Variants in PCDHA2 observed in about 807,000 individuals in gnomAD.
The protein encoded by PCDHA2 is protocadherin alpha-2.
Under a neutral mutation model 66.0 loss-of-function variants are expected in PCDHA2, and 58 were observed. The ratio of observed to expected loss-of-function variants is 0.88; its 90% CI spans 0.71 to 1.09. The LOEUF (loss-of-function observed/expected upper bound fraction) is 1.09. Among genes scored for constraint, PCDHA2 ranks in the 50% least tolerant of loss-of-function variants. PCDHA2 has a pLI of 0.00. For synonymous variants in PCDHA2, 634 were observed against 554.0 expected, an observed-to-expected ratio of 1.14 and a Z score of -2.03; for missense variants, 1,267 against 1,242.3, an observed-to-expected ratio of 1.02 and a Z score of -0.30.
chr5:140,875,685 C>A (rs563250653), intron 1 of PCDHA2: 1 of 1,613,934 alleles, frequency 6.2e-7, no homozygotes, highest in East Asian at 2.2e-5. Context: ...CCAAAAGACA[C>A]GGGGACCTTC....
chr5:140,822,593 A>G (rs2150117634), intron 1 of PCDHA2: 1 of 1,611,374 alleles, frequency 6.2e-7, no homozygotes, highest in East Asian at 2.2e-5. Flanking sequence ...GAGGGCATCA[A>G]TAAGGAAATA....
At chr5:140,903,329 G>A (rs2070195936) in intron 1 of PCDHA2, among the ~76,000 whole-genome samples, 1 of 152,160 alleles carries the variant, frequency 6.6e-6, no homozygotes, top group Non-Finnish European at 1.5e-5. Context: ...TTTTATTGAG[G>A]AAAGGATGCA....
chr5:140,824,222 C>G (rs2150133268), intron 1 of PCDHA2: 1 of 1,556,634 alleles, frequency 6.4e-7, no homozygotes, highest in South Asian at 1.1e-5. Context: ...AAAATTATGT[C>G]TTAGTACACA....
At chr5:140,835,693 C>T (rs1773848999) in intron 1 of PCDHA2, 1 of 1,613,754 alleles carries the variant, frequency 6.2e-7, no homozygotes, top group African/African-American at 1.3e-5. Flanking sequence ...TCTCTGTGGG[C>T]CACTGCTAGC....
chr5:140,929,557 A>G (rs782792383), intron 1 of PCDHA2: 64 of 478,142 alleles, frequency 1.3e-4, no homozygotes, highest in Non-Finnish European at 1.9e-4. Flanking sequence ...ATTAAAACCT[A>G]TTTAAGAACA....
intron 1 of PCDHA2, chr5:140,851,041 G>A (rs1162904841): frequency 3.6e-6 from 5 of 1,393,834 alleles, no homozygotes; most frequent in Non-Finnish European, 4.7e-6. Context: ...TAACATTGGA[G>A]CCGACTTTGT....
chr5:140,904,139 A>C (rs557435150), intron 1 of PCDHA2, among the ~76,000 whole-genome samples: 10 of 152,286 alleles, frequency 6.6e-5, no homozygotes, highest in African/African-American at 2.2e-4. Flanking sequence ...TCACCCGAGC[A>C]GTATACATTG....
At chr5:140,869,560 C>T in intron 1 of PCDHA2, 1 of 1,614,158 alleles carries the variant, frequency 6.2e-7, no homozygotes, top group Non-Finnish European at 8.5e-7. Context: ...CTCGCGTTTT[C>T]CACTAGAGGG....
chr5:140,929,443 T>C, intron 1 of PCDHA2: 1 of 1,426,882 alleles, frequency 7.0e-7, no homozygotes, highest in Non-Finnish European at 9.3e-7. Flanking sequence ...AAACACTCCT[T>C]CTTAGCACTT....
At chr5:140,867,411 AT>A (rs2049946393) in intron 1 of PCDHA2, 2 of 152,130 alleles carry the variant, frequency 1.3e-5, no homozygotes, top group South Asian at 2.1e-4. Context: ...GTCTCCTTTA[AT>A]TTTTTAATAC....
intron 1 of PCDHA2, chr5:140,928,720 A>G (rs2085475122): frequency 6.2e-7 from 1 of 1,614,076 alleles, no homozygotes. Flanking sequence ...TAGTCTCTTT[A>G]GAATTTCAGC....
rs2098417673 is a variant in PCDHA2, at chr5:141,010,569, T to C, written c.*632T>C. ...AAAACTACCCCCACTGACAAGGCTT[T>C]AGGAGACCCTAAAGTCTGTTGGCTG... On this transcript the variant is annotated 3_prime_UTR_variant, in exon 4 of 4. Transcript: ENST00000526136. 1.4e-5 allele frequency: 4 copies of C among 283,140 alleles called. No individual in the cohort carries two copies. The South Asian group carries it at 2.4e-4, about 17-fold the overall frequency. The allele number at this position is 283,140 out of a possible 1,614,324, so 17.5% of individuals were successfully genotyped here.
Position 140,795,647 on chromosome 5 carries a change from TAC to T in PCDHA2, c.684_685del (p.Leu229TyrfsTer2). On this transcript the variant is annotated frameshift_variant, in exon 1 of 4. Transcript: ENST00000526136. LOFTEE classifies it high-confidence loss of function. ...CCTGAGCTCACGGGCACCGTTCAAATACTTATTAAGGTATTAGATGTAAATGA... is the reference window on the plus strand; with the variant it reads ...CCTGAGCTCACGGGCACCGTTCAAATTTATTAAGGTATTAGATGTAAATGA... 1.9e-6 allele frequency: 3 copies of T among 1,614,156 alleles called. No homozygotes were observed. Among genetic ancestry groups the T allele is most frequent in the Middle Eastern group, 1.6e-4 (1 of 6,062 alleles).
chr5:140,967,460 G>C, intron 1 of PCDHA2: 1 of 1,613,538 alleles, frequency 6.2e-7, no homozygotes, highest in African/African-American at 1.3e-5. Context: ...AGCCGTGGAT[G>C]GGGGCATCCC....
intron 1 of PCDHA2, among the ~76,000 whole-genome samples, chr5:140,891,122 G>A (rs572236105): frequency 1.3e-5 from 2 of 152,256 alleles, no homozygotes; most frequent in African/African-American, 4.8e-5. Flanking sequence ...CAATCTAAAT[G>A]TCATTCCTTT....
rs782397943 is a variant in PCDHA2, at chr5:140,796,546, G to C, written c.1582G>C (p.Val528Leu). 48 of 1,613,082 alleles carry C rather than the reference G, an allele frequency of 3.0e-5. No individual in the cohort carries two copies. In the Admixed American group the frequency reaches 3.7e-4, roughly 12 times the overall value. ...YALQPLDHEEVELLQFQVSAR... is the reference protein window; with the variant it reads ...YALQPLDHEELELLQFQVSAR... Reference sequence around the variant, plus strand: ...GCTGCAGCCGCTGGACCACGAGGAAGTGGAGCTGCTGCAGTTCCAGGTGAG... The same window carrying C: ...GCTGCAGCCGCTGGACCACGAGGAACTGGAGCTGCTGCAGTTCCAGGTGAG... The change falls in exon 1 of 4, where the codon GTG (valine) becomes CTG (leucine). Residue 528 changes from valine to leucine, a missense_variant. Val to Leu is a conservative substitution (Grantham distance 32). Coordinates refer to ENST00000526136, the MANE Select transcript of PCDHA2 (RefSeq NM_018905.3).
At chr5:140,801,201 T>C in intron 1 of PCDHA2, 2 of 1,598,512 alleles carry the variant, frequency 1.3e-6, no homozygotes, top group Non-Finnish European at 1.7e-6. Context: ...ACTTGCAATG[T>C]TGTTCTCCTG....
intron 1 of PCDHA2, among the ~76,000 whole-genome samples, chr5:140,832,042 A>G (rs2150199272): frequency 1.8e-4 from 28 of 152,338 alleles, no homozygotes; most frequent in Admixed American, 3.3e-4. Flanking sequence ...ATTCATAGTG[A>G]GGCCATAATT....
rs1775369945 is a variant in PCDHA2 at position 140,838,007 on chromosome 5, A to G, written c.2388+40655A>G. Among the ~76,000 whole-genome samples, 3 of 151,520 alleles carry G rather than the reference A, an allele frequency of 2.0e-5. No homozygotes were observed. In the South Asian group the frequency reaches 6.3e-4, roughly 32 times the overall value. ...CTTTCATCTTTCCTTTTTTTTAAAA[A>G]AAGAAGTGATTACAGTAGAAACCTA... On this transcript the variant is annotated intron_variant, in intron 1 of 3. Coordinates refer to ENST00000526136, the MANE Select transcript of PCDHA2 (RefSeq NM_018905.3).
Sources: allele counts gnomAD v4.1 joint callset (sites outside exome capture counted in the v4.1 genomes callset), GRCh38; gene constraint gnomAD v4.1.1; transcripts MANE v1.5; gene names NCBI Gene and HGNC (gene_info 2026-07-23, HGNC 2026-07-21).